SCAP: variants seen among roughly 807,000 people sequenced by gnomAD.
SCAP encodes the protein SREBF chaperone, also known as sterol regulatory element-binding protein cleavage-activating protein.
A neutral mutation model predicts 123.6 loss-of-function variants in SCAP; 65 were observed. That is an observed-to-expected ratio of 0.53 (90% CI 0.43 to 0.65). The LOEUF is 0.65. SCAP is among the 30% of genes least tolerant of loss of function. The pLI, the probability that SCAP is intolerant of heterozygous loss-of-function variation, is 0.00. For missense variants in SCAP, 1,398 were observed against 1,712.5 expected (o/e 0.82, Z 3.24); for synonymous variants, 740 against 726.3 (o/e 1.02, Z -0.30).
Position 47,417,425 on chromosome 3 carries a change from C to A in SCAP, c.2849G>T (p.Gly950Val). Residue 950 changes from glycine (G) to valine (V), a missense_variant, in exon 17 of 23, where the codon GGT becomes GTT. Physicochemically the swap from Gly to Val is moderately radical, Grantham distance 109. This residue lies in a region of SCAP where 828 missense variants were observed against 882.5 expected (regional missense o/e 0.94). Transcript: ENST00000265565. ...AGGGGAGCCTTTCTCGGGGGAGCCACCCTCGTCCTCAGGGGCCTGGGACAG... is the reference window on the plus strand; with the variant it reads ...AGGGGAGCCTTTCTCGGGGGAGCCAACCTCGTCCTCAGGGGCCTGGGACAG... ...PVLSQAPEDEGGSPEKGSPSL... is the reference protein window; with the variant it reads ...PVLSQAPEDEVGSPEKGSPSL... 1 of 1,562,204 alleles carries A rather than the reference C, an allele frequency of 6.4e-7. No homozygotes were observed. Among genetic ancestry groups the A allele is most frequent in the Non-Finnish European group, 8.7e-7 (1 of 1,154,686 alleles).
intron 3 of SCAP, chr3:47,428,987 T>C (rs1051147238): frequency 3.8e-6 from 1 of 263,066 alleles, no homozygotes; most frequent in South Asian, 5.6e-5. Flanking sequence ...TCATACTAAC[T>C]CCCCCCGGAA....
At chr3:47,468,757 C>T (rs1469873311) in intron 1 of SCAP, among the ~76,000 whole-genome samples, 2 of 152,104 alleles carry the variant, frequency 1.3e-5, no homozygotes, top group African/African-American at 4.8e-5. Flanking sequence ...GCTTTTGTTG[C>T]CATTGCTTTT....
intron 1 of SCAP, among the ~76,000 whole-genome samples, chr3:47,456,177 C>G (rs1707417644): frequency 6.6e-6 from 1 of 151,900 alleles, no homozygotes; most frequent in African/African-American, 2.4e-5. Context: ...TCAAGGCAGA[C>G]AGATCACTTG....
At chr3:47,473,516 G>A (rs1559576523) in intron 1 of SCAP, among the ~76,000 whole-genome samples, 1 of 152,162 alleles carries the variant, frequency 6.6e-6, no homozygotes, top group South Asian at 2.1e-4. Context: ...GACCTTGTAA[G>A]AACCCAGCTT....
At position 47,419,101 on chromosome 3, in the gene SCAP, G is replaced by T. The variant is rs1293260238; in HGVS notation, c.1940+227C>A. On this transcript the variant is annotated intron_variant, in intron 13 of 22. Transcript: ENST00000265565. This position sits in a 1 kb window ranked among gnomAD's most constrained non-coding sequence, Gnocchi z 5.0. ...TCCCTCCCCACTCCTGGCACAGGTG[G>T]GTGGGTCTCATTCTGGTGAGGGCTG... 6.6e-6 allele frequency among the ~76,000 whole-genome samples: 1 copy of T among 152,168 alleles called. No homozygotes were observed. The highest frequency in any genetic ancestry group is 1.5e-5 in the Non-Finnish European group (1 of 68,024).
chr3:47,472,543 C>T (rs1286528623), intron 1 of SCAP, among the ~76,000 whole-genome samples: 3 of 151,960 alleles, frequency 2.0e-5, no homozygotes, highest in African/African-American at 4.8e-5. Flanking sequence ...GATCCACGTG[C>T]ATCTTTATGC....
chr3:47,466,154 A>AAAAAAG (rs1559571041), intron 1 of SCAP, among the ~76,000 whole-genome samples: 1 of 142,182 alleles, frequency 7.0e-6, no homozygotes, highest in Non-Finnish European at 1.5e-5. Flanking sequence ...AAAAAAAAAA[A>AAAAAAG]AAAGAAAGAA....
At chr3:47,426,257 A>G in intron 6 of SCAP, 88 bp from the exon 7 acceptor site, 1 of 1,321,432 alleles carries the variant, frequency 7.6e-7, no homozygotes. Flanking sequence ...GTCCATCAGG[A>G]CCTCCCTCCT....
chr3:47,429,858 G>A (rs1410983181), intron 3 of SCAP, among the ~76,000 whole-genome samples: 1 of 152,116 alleles, frequency 6.6e-6, no homozygotes, highest in Non-Finnish European at 1.5e-5. Flanking sequence ...TCTGCTGACC[G>A]CACTATAGAC....
intron 1 of SCAP, among the ~76,000 whole-genome samples, chr3:47,445,491 C>T (rs376275596): frequency 2.0e-5 from 3 of 150,512 alleles, no homozygotes; most frequent in Non-Finnish European, 3.0e-5. Context: ...GGTGATCCAC[C>T]GCCTCGGCCT....
rs1034840041 is a variant in SCAP at position 47,420,789 on chromosome 3, G to T, written c.1345-17C>A. On this transcript the variant is annotated splice_polypyrimidine_tract_variant and intron_variant, in intron 11 of 22. Transcript: ENST00000265565. This position sits in a 1 kb window ranked among gnomAD's most constrained non-coding sequence, Gnocchi z 5.0. ...GTCTGCTAGCTGTTGGGGGCACAGT[G>T]GTCAGGGCCTGAGTCCACCATCCAG... The T allele has an allele frequency of 6.2e-7, 1 of 1,608,706 alleles. No homozygotes were observed. Among genetic ancestry groups the T allele is most frequent in the East Asian group, 2.2e-5 (1 of 44,852 alleles).
At chr3:47,423,690 A>T (rs924063502) in intron 9 of SCAP, among the ~76,000 whole-genome samples, 1 of 152,222 alleles carries the variant, frequency 6.6e-6, no homozygotes, top group Non-Finnish European at 1.5e-5. Flanking sequence ...CATGGCACCC[A>T]GCCTGGTTTA....
chr3:47,458,648 G>A (rs901500190), intron 1 of SCAP, among the ~76,000 whole-genome samples: 15 of 152,098 alleles, frequency 9.9e-5, no homozygotes, highest in South Asian at 4.1e-4. Context: ...AAATAACCAC[G>A]TGCATAATGT....
intron 13 of SCAP, 70 bp from the exon 14 acceptor site, chr3:47,418,913 A>G: frequency 7.2e-7 from 1 of 1,394,002 alleles, no homozygotes; most frequent in Non-Finnish European, 9.4e-7. Flanking sequence ...CTCGCCAGCC[A>G]GTCCTCTCCC....
intron 3 of SCAP, among the ~76,000 whole-genome samples, chr3:47,431,683 A>C (rs981222897): frequency 6.6e-6 from 1 of 152,130 alleles, no homozygotes; most frequent in Non-Finnish European, 1.5e-5. Flanking sequence ...ATCAGCGGTA[A>C]AATGTCCTCC....
At chr3:47,476,168 A>G (rs1708266431), upstream of SCAP, 4 of 152,352 alleles carry the variant, frequency 2.6e-5, no homozygotes, top group South Asian at 6.2e-4. Flanking sequence ...TCGGTCATCA[A>G]GAACTTGCAG....
intron 1 of SCAP, among the ~76,000 whole-genome samples, chr3:47,447,484 T>C (rs912866724): frequency 2.0e-5 from 3 of 151,606 alleles, no homozygotes; most frequent in East Asian, 1.9e-4. Context: ...GGTCAGAAGT[T>C]CAAGACCAGC....
intron 1 of SCAP, among the ~76,000 whole-genome samples, chr3:47,448,637 T>A (rs965394338): frequency 4.6e-5 from 7 of 152,186 alleles, no homozygotes; most frequent in African/African-American, 1.7e-4. Context: ...CTGACTCTTC[T>A]GTCTTCTCCA....
At chr3:47,426,830 G>A (rs1048016018) in intron 6 of SCAP, among the ~76,000 whole-genome samples, 9 of 152,270 alleles carry the variant, frequency 5.9e-5, no homozygotes, top group Admixed American at 4.6e-4. Flanking sequence ...TGCCCCACTG[G>A]GAAGGACACA....
Sources: allele counts gnomAD v4.1 joint callset (sites outside exome capture counted in the v4.1 genomes callset), GRCh38; gene constraint gnomAD v4.1.1; regional missense constraint gnomAD v4.1.1; non-coding constraint Gnocchi (gnomAD v3.1); transcripts MANE v1.5; gene names NCBI Gene and HGNC (gene_info 2026-07-23, HGNC 2026-07-21).